The following TRIO variants were observed in gnomAD, a reference collection of about 807,000 sequenced individuals.
TRIO encodes triple functional domain protein.
A neutral mutation model predicts 351.9 loss-of-function variants in TRIO; 58 were observed. The ratio of observed to expected loss-of-function variants is 0.16; its 90% CI spans 0.13 to 0.21. The LOEUF is 0.21. Ranked by LOEUF, TRIO falls within the 10% of genes least tolerant of loss-of-function variation. TRIO has a pLI of 1.00. For missense variants in TRIO, 3,201 were observed against 4,027.8 expected (o/e 0.79, Z 5.56); for synonymous variants, 1,758 against 1,595.7 (o/e 1.10, Z -2.42).
chr5:14,319,658 A>G (rs1739690557), intron 9 of TRIO, among the ~76,000 whole-genome samples: 1 of 152,204 alleles, frequency 6.6e-6, no homozygotes, highest in South Asian at 2.1e-4. Context: ...GTACATTGAG[A>G]AAAAGGAAGA....
At chr5:14,439,175 C>T (rs534972060) in intron 34 of TRIO, among the ~76,000 whole-genome samples, 2 of 152,322 alleles carry the variant, frequency 1.3e-5, no homozygotes, top group Non-Finnish European at 2.9e-5. Flanking sequence ...GCCGTCATGC[C>T]TAGCTAATTT....
chr5:14,300,966 G>T (rs1306616758), intron 7 of TRIO, among the ~76,000 whole-genome samples: 1 of 152,076 alleles, frequency 6.6e-6, no homozygotes, highest in Non-Finnish European at 1.5e-5. Context: ...CTCAGCTGAG[G>T]CTCCGTCAAG....
chr5:14,210,602 T>TTTGTTG (rs200233489), intron 1 of TRIO, among the ~76,000 whole-genome samples: 1 of 151,840 alleles, frequency 6.6e-6, no homozygotes, highest in African/African-American at 2.4e-5. Context: ...AAAGTGTTTT[T>TTTGTTG]TTGTTGTTGT....
rs1430403727 is a variant in TRIO, at chr5:14,154,235, C to T, written c.157+10353C>T. Among the ~76,000 whole-genome samples, 4 of 151,254 alleles carry T rather than the reference C, an allele frequency of 2.6e-5. No individual in the cohort carries two copies. The East Asian group carries it at 5.9e-4, about 22-fold the overall frequency. ...GTGGGGGTTGGGAGTACGGGAAGGG[C>T]GGGGAGAGGCTGGCCAGGGAGGGAG... On this transcript the variant is annotated intron_variant, in intron 1 of 56. Coordinates refer to ENST00000344204, the MANE Select transcript of TRIO (RefSeq NM_007118.4).
intron 27 of TRIO, among the ~76,000 whole-genome samples, chr5:14,392,927 A>T (rs1215280351): frequency 6.6e-6 from 1 of 152,032 alleles, no homozygotes; most frequent in African/African-American, 2.4e-5. Context: ...GGGCACCTGT[A>T]TCCCAGCTAC....
chr5:14,262,028 C>G (rs1232461875), intron 1 of TRIO, among the ~76,000 whole-genome samples: 1 of 152,158 alleles, frequency 6.6e-6, no homozygotes, highest in Admixed American at 6.5e-5. Context: ...CTGCCCAGAA[C>G]TGCGAATTGT....
intron 13 of TRIO, 62 bp downstream of exon 13, chr5:14,359,593 C>T (rs559544530): frequency 8.6e-5 from 135 of 1,574,334 alleles, no homozygotes; most frequent in Non-Finnish European, 1.0e-4. Context: ...TCCACAGCAC[C>T]GGCGCCCTCT....
At chr5:14,488,366 CGCCGCCCGTTGCG>C in intron 48 of TRIO, 106 bp downstream of exon 48, 1 of 1,450,352 alleles carries the variant, frequency 6.9e-7, no homozygotes, top group Non-Finnish European at 9.1e-7. Flanking sequence ...CAGCGCTCTC[CGCCGCCCGTTGCG>C]GCCTCTACCT....
At position 14,363,837 on chromosome 5, in the gene TRIO, G is replaced by C; in HGVS notation, c.2497G>C (p.Asp833His). 6.2e-7 allele frequency: 1 copy of C among 1,614,224 alleles called. No homozygotes were observed. The highest frequency in any genetic ancestry group is 8.5e-7 in the Non-Finnish European group (1 of 1,180,042). The change falls in exon 14 of 57, where the codon GAC becomes CAC. Residue 833 changes from aspartate (D) to histidine (H), a missense_variant. Physicochemically the swap from Asp to His is moderately conservative, Grantham distance 81 (BLOSUM62 -1). This residue lies in a region of TRIO where 363 missense variants were observed against 553.5 expected (regional missense o/e 0.66). Coordinates refer to ENST00000344204, the MANE Select transcript of TRIO (RefSeq NM_007118.4). ...AGAGCAGCGCCTCCAGCACCATGCAGACAAAGCCTTGACCATGAACAACTT... is the reference window on the plus strand; with the variant it reads ...AGAGCAGCGCCTCCAGCACCATGCACACAAAGCCTTGACCATGAACAACTT... Reference protein sequence around the residue: ...IAEQRLQHHADKALTMNNLTF... With the variant: ...IAEQRLQHHAHKALTMNNLTF...
At chr5:14,437,037 A>G (rs973071795) in intron 34 of TRIO, among the ~76,000 whole-genome samples, 1 of 152,192 alleles carries the variant, frequency 6.6e-6, no homozygotes, top group Non-Finnish European at 1.5e-5. Flanking sequence ...AGTGTCTGCA[A>G]TCTATCAACA....
intron 1 of TRIO, among the ~76,000 whole-genome samples, chr5:14,246,447 C>A (rs1167819720): frequency 6.6e-6 from 1 of 152,184 alleles, no homozygotes; most frequent in Non-Finnish European, 1.5e-5. Flanking sequence ...GCTTCACTTT[C>A]CCTGTCTGTC....
At chr5:14,358,583 C>G (rs1403562893) in intron 12 of TRIO, among the ~76,000 whole-genome samples, 1 of 152,134 alleles carries the variant, frequency 6.6e-6, no homozygotes. Flanking sequence ...ATAACATCGA[C>G]TAATAAACCA....
chr5:14,211,706 G>C (rs1791911809), intron 1 of TRIO, among the ~76,000 whole-genome samples: 1 of 147,632 alleles, frequency 6.8e-6, no homozygotes, highest in East Asian at 2.1e-4. Flanking sequence ...GCAACAGTTT[G>C]TTCTTAAGAA....
intron 34 of TRIO, among the ~76,000 whole-genome samples, chr5:14,454,903 T>A (rs1753145515): frequency 6.6e-6 from 1 of 152,194 alleles, no homozygotes; most frequent in South Asian, 2.1e-4. Flanking sequence ...TTTTGGTGGG[T>A]TCGTGGGCTC....
intron 34 of TRIO, among the ~76,000 whole-genome samples, chr5:14,452,261 C>T (rs1372119584): frequency 1.3e-5 from 2 of 152,262 alleles, no homozygotes; most frequent in Admixed American, 6.5e-5. Context: ...TCTCGCCGCT[C>T]TGCTTCATCC....
At chr5:14,472,769 C>A in intron 39 of TRIO, 111 bp downstream of exon 39, 7 of 1,201,882 alleles carry the variant, frequency 5.8e-6, no homozygotes, top group Middle Eastern at 2.0e-4. Flanking sequence ...CATTTTTGAC[C>A]CAAAATAAAA....
intron 1 of TRIO, among the ~76,000 whole-genome samples, chr5:14,160,243 G>A (rs891147885): frequency 6.6e-6 from 1 of 152,202 alleles, no homozygotes; most frequent in Non-Finnish European, 1.5e-5. Flanking sequence ...TGCCTGCAAA[G>A]GGACCAGAGG....
At chr5:14,368,966 G>T (rs569120304) in intron 17 of TRIO, 67 bp downstream of exon 17, 2 of 1,521,996 alleles carry the variant, frequency 1.3e-6, no homozygotes, top group African/African-American at 2.8e-5. Context: ...TTATTGGACA[G>T]CTCAATCATT....
At chr5:14,475,663 A>C (rs1755022062) in intron 40 of TRIO, among the ~76,000 whole-genome samples, 1 of 152,282 alleles carries the variant, frequency 6.6e-6, no homozygotes, top group African/African-American at 2.4e-5. Flanking sequence ...TCTGTGCTGT[A>C]GACTTACTGA....
Sources: allele counts gnomAD v4.1 joint callset (sites outside exome capture counted in the v4.1 genomes callset), GRCh38; gene constraint gnomAD v4.1.1; regional missense constraint gnomAD v4.1.1; transcripts MANE v1.5; gene names NCBI Gene and HGNC (gene_info 2026-07-23, HGNC 2026-07-21).